The following RNF157 variants were observed in gnomAD, a reference collection of about 807,000 sequenced individuals.
RNF157 encodes the protein ring finger protein 157.
In RNF157, 55 loss-of-function variants were observed where a neutral mutation model predicts 88.3. The ratio of observed to expected loss-of-function variants is 0.62; its 90% CI spans 0.50 to 0.78. The LOEUF (loss-of-function observed/expected upper bound fraction) is 0.78, where lower values mean the gene tolerates loss of function less well. Among genes scored for constraint, RNF157 ranks in the 30% least tolerant of loss-of-function variants. The pLI, the probability that RNF157 is intolerant of heterozygous loss-of-function variation, is 0.00. For synonymous variants in RNF157, 334 were observed against 341.2 expected (o/e 0.98, Z 0.23); for missense variants, 788 against 860.8 (o/e 0.92, Z 1.06).
intron 1 of RNF157, among the ~76,000 whole-genome samples, chr17:76,238,947 C>G (rs1331861825): frequency 6.6e-6 from 1 of 152,234 alleles, no homozygotes; most frequent in Non-Finnish European, 1.5e-5. Flanking sequence ...AAACACAGCT[C>G]TGGCAGACAC....
chr17:76,225,504 A>T (rs748682388), intron 1 of RNF157, among the ~76,000 whole-genome samples: 15 of 151,964 alleles, frequency 9.9e-5, no homozygotes, highest in African/African-American at 1.5e-4. Flanking sequence ...CTGTTCTATT[A>T]TTTTTTTTAA....
At chr17:76,171,697 A>G (rs746868718) in intron 3 of RNF157, among the ~76,000 whole-genome samples, 1 of 152,206 alleles carries the variant, frequency 6.6e-6, no homozygotes, top group African/African-American at 2.4e-5. Context: ...AATTTTGACA[A>G]CCACCATGAA....
At position 76,232,242 on chromosome 17, in the gene RNF157, G is replaced by A. The variant is rs140843746; in HGVS notation, c.88+7911C>T. On this transcript the variant is annotated intron_variant, in intron 1 of 18. Coordinates refer to ENST00000269391, the MANE Select transcript of RNF157 (RefSeq NM_052916.3). ...TACAAAACATAAATTTAAAAAATTAGATGGGAGTGGTGGCATGTGCCTGTA... is the reference window on the plus strand; with the variant it reads ...TACAAAACATAAATTTAAAAAATTAAATGGGAGTGGTGGCATGTGCCTGTA... Among the ~76,000 whole-genome samples the A allele has an allele frequency of 8.5e-5, 13 of 152,220 alleles. No individual in the cohort carries two copies. In the East Asian group the frequency reaches 2.1e-3, roughly 25 times the overall value.
rs1474590574 is a variant in RNF157 at position 76,161,241 on chromosome 17, G to A, written c.1065+294C>T. Among the ~76,000 whole-genome samples, 2 of 152,070 alleles carry A rather than the reference G, an allele frequency of 1.3e-5. No individual in the cohort carries two copies. The highest frequency in any genetic ancestry group is 4.8e-5 in the African/African-American group (2 of 41,400). ...CCAAAATAATCGTCCCATTGTTTCT[G>A]CCTGGGGGAGTTCAAGTTGAACCTC... On this transcript the variant is annotated intron_variant, in intron 11 of 18. Coordinates refer to ENST00000269391, the MANE Select transcript of RNF157 (RefSeq NM_052916.3). The surrounding 1 kb of genome is among the most constrained non-coding windows in gnomAD (Gnocchi z 4.6).
chr17:76,155,212 G>A (rs2068743658), intron 16 of RNF157, 40 bp downstream of exon 16: 1 of 1,583,392 alleles, frequency 6.3e-7, no homozygotes, highest in Non-Finnish European at 8.7e-7. Context: ...CACTCCTCTG[G>A]TTGTGGGAAG....
intron 2 of RNF157, among the ~76,000 whole-genome samples, chr17:76,210,935 G>A (rs1234151269): frequency 6.6e-6 from 1 of 152,150 alleles, no homozygotes; most frequent in Non-Finnish European, 1.5e-5. Flanking sequence ...CTCTGGAGCA[G>A]CTGGGATTAT....
intron 8 of RNF157, chr17:76,162,983 A>C (rs562537915): frequency 6.1e-6 from 1 of 164,536 alleles, no homozygotes; most frequent in South Asian, 1.9e-4. Context: ...ATATAATCCA[A>C]TTTGAGTTCA....
At chr17:76,232,708 A>G (rs924035263) in intron 1 of RNF157, among the ~76,000 whole-genome samples, 5 of 152,222 alleles carry the variant, frequency 3.3e-5, no homozygotes, top group African/African-American at 4.8e-5. Flanking sequence ...TACATTTCCC[A>G]TAACACTTCA....
chr17:76,233,115 T>C (rs534100493), intron 1 of RNF157, among the ~76,000 whole-genome samples: 13 of 152,020 alleles, frequency 8.6e-5, no homozygotes, highest in Non-Finnish European at 1.5e-4. Context: ...AGAGACAGGG[T>C]TTCACCATGT....
intron 2 of RNF157, among the ~76,000 whole-genome samples, chr17:76,188,192 C>G (rs567214936): frequency 8.5e-5 from 13 of 152,216 alleles, no homozygotes; most frequent in Admixed American, 7.9e-4. Flanking sequence ...ATGGTGAACA[C>G]CCATACTCTA....
intron 1 of RNF157, among the ~76,000 whole-genome samples, chr17:76,221,991 T>C (rs2069991436): frequency 6.6e-6 from 1 of 151,960 alleles, no homozygotes; most frequent in Non-Finnish European, 1.5e-5. Context: ...GAGAGTAGAC[T>C]GGTGATTGCC....
At chr17:76,239,127 G>A (rs938954138) in intron 1 of RNF157, among the ~76,000 whole-genome samples, 2 of 152,062 alleles carry the variant, frequency 1.3e-5, no homozygotes, top group East Asian at 1.9e-4. Context: ...AATCTCCATC[G>A]GGTCCTAAGC....
intron 9 of RNF157, 35 bp downstream of exon 9, chr17:76,162,517 G>C (rs2068860060): frequency 2.0e-6 from 3 of 1,534,648 alleles, no homozygotes; most frequent in Non-Finnish European, 2.7e-6. Flanking sequence ...TGGCCTCCTG[G>C]AAAGAGTACA....
At chr17:76,171,777 T>C (rs776503183) in intron 3 of RNF157, among the ~76,000 whole-genome samples, 2 of 152,330 alleles carry the variant, frequency 1.3e-5, no homozygotes, top group African/African-American at 2.4e-5. Context: ...CAAGCAAGCA[T>C]CTGTGGACCT....
At chr17:76,200,110 C>T (rs1178572432) in intron 2 of RNF157, among the ~76,000 whole-genome samples, 2 of 151,832 alleles carry the variant, frequency 1.3e-5, no homozygotes, top group East Asian at 3.9e-4. Flanking sequence ...GGTGTGGTGG[C>T]GGGCGCCTGT....
chr17:76,203,923 A>G (rs1411099991), intron 2 of RNF157, among the ~76,000 whole-genome samples: 1 of 151,234 alleles, frequency 6.6e-6, no homozygotes, highest in African/African-American at 2.4e-5. Flanking sequence ...GCCCGCCACC[A>G]TGCTCGGCTA....
At chr17:76,178,159 T>C (rs901492985) in intron 2 of RNF157, among the ~76,000 whole-genome samples, 1 of 152,230 alleles carries the variant, frequency 6.6e-6, no homozygotes, top group Non-Finnish European at 1.5e-5. Context: ...GCTTGTCATG[T>C]TGCAGGCAAA....
chr17:76,200,889 G>A (rs775901671), intron 2 of RNF157, among the ~76,000 whole-genome samples: 4 of 152,000 alleles, frequency 2.6e-5, no homozygotes, highest in South Asian at 2.1e-4. Context: ...CAAGAGGACC[G>A]AGCTCCCTGA....
intron 2 of RNF157, among the ~76,000 whole-genome samples, chr17:76,206,293 T>C (rs937345890): frequency 1.6e-4 from 24 of 152,096 alleles, no homozygotes; most frequent in African/African-American, 5.8e-4. Context: ...AAGCCTCTAA[T>C]AACTTAGAGT....
Sources: allele counts gnomAD v4.1 joint callset (sites outside exome capture counted in the v4.1 genomes callset), GRCh38; gene constraint gnomAD v4.1.1; non-coding constraint Gnocchi (gnomAD v3.1); transcripts MANE v1.5; gene names NCBI Gene and HGNC (gene_info 2026-07-23, HGNC 2026-07-21).